The following MAN2A1 variants were observed in gnomAD, a reference collection of about 807,000 sequenced individuals.
The protein encoded by MAN2A1 is alpha-mannosidase 2.
Under a neutral mutation model 142.6 loss-of-function variants are expected in MAN2A1, and 76 were observed. That is an observed-to-expected ratio of 0.53 (90% CI 0.44 to 0.65). MAN2A1 has a LOEUF of 0.65. MAN2A1 is among the 30% of genes least tolerant of loss of function. MAN2A1 has a pLI of 0.00. For missense variants in MAN2A1, 1,311 were observed against 1,365.1 expected (o/e 0.96, Z 0.62); for synonymous variants, 559 against 473.2 (o/e 1.18, Z -2.35).
intron 4 of MAN2A1, among the ~76,000 whole-genome samples, chr5:109,731,231 C>T (rs1751897407): frequency 6.7e-6 from 1 of 150,168 alleles, no homozygotes; most frequent in Non-Finnish European, 1.5e-5. Flanking sequence ...TGGAATTCTC[C>T]TCTTTTAGTT....
At chr5:109,725,793 G>T (rs1186762029) in intron 3 of MAN2A1, among the ~76,000 whole-genome samples, 1 of 152,122 alleles carries the variant, frequency 6.6e-6, no homozygotes, top group Non-Finnish European at 1.5e-5. Context: ...ATGGCTGAGA[G>T]CTCAAAATTT....
intron 12 of MAN2A1, among the ~76,000 whole-genome samples, chr5:109,797,059 A>G: frequency 6.6e-6 from 1 of 152,198 alleles, no homozygotes; most frequent in South Asian, 2.1e-4. Context: ...ATATCAAAAT[A>G]AAAAGGACCA....
chr5:109,811,460 T>C (rs1032053364), intron 12 of MAN2A1, among the ~76,000 whole-genome samples: 1 of 152,160 alleles, frequency 6.6e-6, no homozygotes, highest in Admixed American at 6.6e-5. Context: ...TTTTATGTTC[T>C]ACTAAGTGAC....
intron 4 of MAN2A1, among the ~76,000 whole-genome samples, chr5:109,736,932 G>A (rs974835578): frequency 2.0e-5 from 3 of 151,690 alleles, no homozygotes; most frequent in Non-Finnish European, 2.9e-5. Context: ...TCTCATTATT[G>A]TATTTTTCCT....
At chr5:109,845,122 C>G (rs751943568) in intron 17 of MAN2A1, among the ~76,000 whole-genome samples, 56 of 152,132 alleles carry the variant, frequency 3.7e-4, no homozygotes, top group Non-Finnish European at 6.9e-4. Context: ...TTATATCCAA[C>G]TTTCATGAGT....
chr5:109,853,551 A>G (rs374462951), intron 19 of MAN2A1: 3 of 152,254 alleles, frequency 2.0e-5, no homozygotes, highest in East Asian at 3.8e-4. Context: ...AATTACTCCA[A>G]GAGTGTGGAA....
At chr5:109,828,233 A>G (rs980866082) in intron 16 of MAN2A1, among the ~76,000 whole-genome samples, 1 of 152,236 alleles carries the variant, frequency 6.6e-6, no homozygotes, top group Non-Finnish European at 1.5e-5. Flanking sequence ...CATTTGTAGA[A>G]AATAACACTC....
chr5:109,809,879 T>C (rs894639153), intron 12 of MAN2A1, among the ~76,000 whole-genome samples: 1 of 152,180 alleles, frequency 6.6e-6, no homozygotes, highest in Non-Finnish European at 1.5e-5. Flanking sequence ...TTTCACTGAG[T>C]TCCCTGTGTC....
intron 5 of MAN2A1, among the ~76,000 whole-genome samples, chr5:109,765,212 GT>G (rs1752958179): frequency 6.6e-6 from 1 of 152,050 alleles, no homozygotes; most frequent in Non-Finnish European, 1.5e-5. Context: ...ATTGCATTTA[GT>G]TGTCATGTCT....
At chr5:109,849,971 C>G (rs777134853) in intron 19 of MAN2A1, among the ~76,000 whole-genome samples, 1 of 152,158 alleles carries the variant, frequency 6.6e-6, no homozygotes, top group African/African-American at 2.4e-5. Context: ...GCCTGTTATC[C>G]TCTGCCTTAG....
chr5:109,713,336 T>G (rs1203865427), intron 1 of MAN2A1, among the ~76,000 whole-genome samples, 184 bp from the exon 2 acceptor site: 1 of 152,158 alleles, frequency 6.6e-6, no homozygotes, highest in Non-Finnish European at 1.5e-5. Context: ...GATTTTCTGC[T>G]GTAAATTGGT....
chr5:109,703,130 C>G (rs1327419359), intron 1 of MAN2A1, among the ~76,000 whole-genome samples: 1 of 152,168 alleles, frequency 6.6e-6, no homozygotes, highest in Non-Finnish European at 1.5e-5. Context: ...GAAAAACGAT[C>G]TCAGACATGT....
chr5:109,701,376 T>C (rs2269197), intron 1 of MAN2A1, among the ~76,000 whole-genome samples: 4,936 of 152,264 alleles, frequency 0.032, 180 homozygotes, highest in East Asian at 0.17. Context: ...TTAGAATCTT[T>C]GGTGCCTGTG....
chr5:109,830,176 T>C (rs1199646702), intron 16 of MAN2A1, among the ~76,000 whole-genome samples: 4 of 152,208 alleles, frequency 2.6e-5, no homozygotes, highest in African/African-American at 9.7e-5. Context: ...ATGCATAGTT[T>C]TTTCATGATA....
intron 7 of MAN2A1, among the ~76,000 whole-genome samples, chr5:109,773,703 G>T (rs1307062321): frequency 2.6e-5 from 4 of 152,116 alleles, no homozygotes; most frequent in African/African-American, 9.7e-5. Context: ...CAATTTCAGA[G>T]ATTACAAATG....
At chr5:109,836,245 G>A (rs1755051892) in intron 16 of MAN2A1, among the ~76,000 whole-genome samples, 1 of 151,912 alleles carries the variant, frequency 6.6e-6, no homozygotes, top group African/African-American at 2.4e-5. Flanking sequence ...AAGTAGCTGG[G>A]ATTACAGGTG....
chr5:109,792,434 C>T (rs761745314), intron 12 of MAN2A1, among the ~76,000 whole-genome samples: 4 of 151,832 alleles, frequency 2.6e-5, no homozygotes, highest in South Asian at 2.1e-4. Context: ...TTTCCTATGC[C>T]CCTTATTTAT....
intron 4 of MAN2A1, among the ~76,000 whole-genome samples, chr5:109,739,631 G>C (rs934072833): frequency 6.6e-6 from 1 of 152,002 alleles, no homozygotes; most frequent in Non-Finnish European, 1.5e-5. Flanking sequence ...TTATTTATCC[G>C]TGAGCAGCAA....
chr5:109,745,844 T>G (rs1448563406), intron 4 of MAN2A1, among the ~76,000 whole-genome samples: 28 of 152,218 alleles, frequency 1.8e-4, no homozygotes, highest in Admixed American at 1.8e-3. Flanking sequence ...CTCAAACCCC[T>G]GGCCTGAGGT....
Sources: gnomAD v4.1 joint callset for allele counts (sites outside exome capture counted in the v4.1 genomes callset) on GRCh38, gnomAD v4.1.1 for gene constraint, MANE v1.5 for transcripts, NCBI Gene and HGNC (gene_info 2026-07-23, HGNC 2026-07-21) for gene names.